NEBL: variants seen among roughly 807,000 people sequenced by gnomAD.
NEBL encodes nebulette.
In NEBL, 122 loss-of-function variants were observed where a neutral mutation model predicts 140.2. The observed-to-expected ratio is 0.87, with a 90% CI of 0.75 to 1.01. The LOEUF is 1.01. Ranked by LOEUF, NEBL falls within the 50% of genes least tolerant of loss-of-function variation. The pLI is 0.00. For synonymous variants in NEBL, 436 were observed against 398.9 expected (o/e 1.09, Z -1.11); for missense variants, 1,365 against 1,231.3 (o/e 1.11, Z -1.62).
At chr10:21,120,497 G>A (rs1321337602) in intron 2 of NEBL, among the ~76,000 whole-genome samples, 1 of 143,642 alleles carries the variant, frequency 7.0e-6, no homozygotes, top group Non-Finnish European at 1.5e-5. Flanking sequence ...TAGTCCAAGG[G>A]TTGATACTTG....
At chr10:21,159,025 C>A (rs1459102389) in intron 2 of NEBL, among the ~76,000 whole-genome samples, 1 of 152,176 alleles carries the variant, frequency 6.6e-6, no homozygotes, top group Non-Finnish European at 1.5e-5. Context: ...CATCTTTGAA[C>A]ACTCAGTGAT....
chr10:21,182,767 C>T (rs1841406907), intron 3 of NEBL, among the ~76,000 whole-genome samples: 1 of 152,116 alleles, frequency 6.6e-6, no homozygotes, highest in South Asian at 2.1e-4. Flanking sequence ...TAATAAGAAA[C>T]AAGTGATGAT....
rs374378901 is a variant in NEBL at position 21,064,490 on chromosome 10, T to C, written c.165-44289A>G. On this transcript the variant is annotated intron_variant, in intron 2 of 6. Coordinates refer to the NEBL transcript ENST00000417816. The stretch of plus-strand genomic sequence containing the variant: ...AGTTGGTAGGGCTCTAACTCAACCT[T>C]CAGAAAAAATGAGCAATATATACAA... Among the ~76,000 whole-genome samples, 45 of 152,246 alleles carry C rather than the reference T, an allele frequency of 3.0e-4. 1 individual carries two copies. The South Asian group carries it at 9.1e-3, about 31-fold the overall frequency.
chr10:20,803,926 G>A (rs953119490), intron 26 of NEBL, among the ~76,000 whole-genome samples: 3 of 150,588 alleles, frequency 2.0e-5, no homozygotes, highest in Middle Eastern at 3.4e-3. Context: ...TCATAAAAAT[G>A]TAAGAATCTT....
chr10:20,809,785 G>C (rs1837948763), intron 25 of NEBL, 21 bp downstream of exon 25: 1 of 1,523,600 alleles, frequency 6.6e-7, no homozygotes, highest in African/African-American at 1.4e-5. Flanking sequence ...TAAATGGGAT[G>C]AACTAAAAAG....
intron 4 of NEBL, among the ~76,000 whole-genome samples, chr10:20,913,689 A>G (rs1166070640): frequency 6.6e-6 from 1 of 152,202 alleles, no homozygotes; most frequent in Non-Finnish European, 1.5e-5. Context: ...ATCAATATCA[A>G]TAGCATATTA....
rs1448462643 is a variant in NEBL at position 21,111,156 on chromosome 10, T to C, written c.164+61227A>G. Reference sequence around the variant, plus strand: ...ATAAGAAGAATCAATATCATGAAAATGACCATATTTCCCAAGGTAATTTAT... The same window carrying C: ...ATAAGAAGAATCAATATCATGAAAACGACCATATTTCCCAAGGTAATTTAT... On this transcript the variant is annotated intron_variant, in intron 2 of 6. Coordinates refer to the NEBL transcript ENST00000417816. Among the ~76,000 whole-genome samples the C allele has an allele frequency of 5.9e-5, 9 of 152,176 alleles. No homozygotes were observed. In the South Asian group the frequency reaches 1.0e-3, roughly 18 times the overall value.
intron 8 of NEBL, among the ~76,000 whole-genome samples, chr10:20,859,186 T>C (rs1197277939): frequency 6.6e-6 from 1 of 152,138 alleles, no homozygotes; most frequent in Admixed American, 6.5e-5. Context: ...TAAAACATCA[T>C]TTCTTGTAAA....
intron 2 of NEBL, among the ~76,000 whole-genome samples, chr10:21,066,781 C>T (rs922292385): frequency 6.6e-6 from 1 of 151,402 alleles, no homozygotes; most frequent in Non-Finnish European, 1.5e-5. Flanking sequence ...TTCCCATCTA[C>T]AAAATCATTG....
At chr10:21,143,423 G>A (rs940087569) in intron 2 of NEBL, among the ~76,000 whole-genome samples, 1 of 145,926 alleles carries the variant, frequency 6.9e-6, no homozygotes, top group Admixed American at 6.9e-5. Flanking sequence ...CACTCCAGCT[G>A]GGTGAAAAGA....
intron 2 of NEBL, among the ~76,000 whole-genome samples, chr10:21,149,687 T>C (rs769559858): frequency 2.0e-5 from 3 of 152,214 alleles, no homozygotes; most frequent in Non-Finnish European, 4.4e-5. Flanking sequence ...GACAGAGTTC[T>C]GGGAACCCTG....
chr10:21,228,381 T>C (rs2132252491), intron 3 of NEBL, among the ~76,000 whole-genome samples: 2 of 152,322 alleles, frequency 1.3e-5, no homozygotes, highest in South Asian at 4.1e-4. Context: ...CTCAGACTTG[T>C]GGCCTTAAAC....
chr10:20,875,755 G>T (rs1845441196), intron 5 of NEBL, among the ~76,000 whole-genome samples: 1 of 151,572 alleles, frequency 6.6e-6, no homozygotes, highest in Non-Finnish European at 1.5e-5. Context: ...CCAGCCATGG[G>T]GTCTAAAGTC....
intron 2 of NEBL, among the ~76,000 whole-genome samples, chr10:21,045,295 A>T (rs1418063220): frequency 6.6e-6 from 1 of 152,220 alleles, no homozygotes; most frequent in Non-Finnish European, 1.5e-5. Context: ...ACCATAATTC[A>T]TTGGAAAATT....
At chr10:21,277,145 A>G (rs115566924) in intron 1 of NEBL, among the ~76,000 whole-genome samples, 3,062 of 152,132 alleles carry the variant, frequency 0.02, 86 homozygotes, top group African/African-American at 0.06. Flanking sequence ...AAAAACAAAA[A>G]AAAACACGAT....
At chr10:20,835,710 G>A in intron 13 of NEBL, 87 bp from the exon 14 acceptor site, 2 of 938,404 alleles carry the variant, frequency 2.1e-6, no homozygotes, top group Non-Finnish European at 1.7e-6. Flanking sequence ...AAAATAGTTA[G>A]ACATATTTTA....
At chr10:20,868,342 A>G (rs1205153481) in intron 7 of NEBL, 7 of 261,822 alleles carry the variant, frequency 2.7e-5, no homozygotes, top group East Asian at 8.7e-5. Context: ...GTGTGTGTGT[A>G]GGTTAAAACA....
chr10:21,003,405 C>T (rs765234537), intron 3 of NEBL, among the ~76,000 whole-genome samples: 1 of 152,178 alleles, frequency 6.6e-6, no homozygotes, highest in African/African-American at 2.4e-5. Context: ...ACCTCGCCTG[C>T]CCCACAATCT....
chr10:21,018,526 C>G (rs925393230), intron 3 of NEBL, among the ~76,000 whole-genome samples: 1 of 152,114 alleles, frequency 6.6e-6, no homozygotes. Context: ...TTTACACAAA[C>G]TAAAAAATAG....
Sources: gnomAD v4.1 joint callset for allele counts (sites outside exome capture counted in the v4.1 genomes callset) on GRCh38, gnomAD v4.1.1 for gene constraint, MANE v1.5 for transcripts, NCBI Gene and HGNC (gene_info 2026-07-23, HGNC 2026-07-21) for gene names.